The following HSDL2 variants were observed in gnomAD, a reference collection of about 807,000 sequenced individuals.
The protein encoded by HSDL2 is hydroxysteroid dehydrogenase like 2.
HSDL2 carries 27 observed loss-of-function variants against 46.3 expected under a neutral mutation model. That is an observed-to-expected ratio of 0.58 (90% confidence interval 0.43 to 0.80). HSDL2 has a LOEUF of 0.80. HSDL2 is among the 30% of genes least tolerant of loss of function. The pLI, the probability that HSDL2 is intolerant of heterozygous loss-of-function variation, is 0.00. For missense variants in HSDL2, 451 were observed against 502.7 expected (o/e 0.90, Z 0.98); for synonymous variants, 153 against 163.6 (o/e 0.94, Z 0.50).
chr9:112,386,561 C>T (rs1202471092), intron 1 of HSDL2, among the ~76,000 whole-genome samples: 6 of 151,264 alleles, frequency 4.0e-5, no homozygotes, highest in Non-Finnish European at 7.4e-5. Flanking sequence ...GTGGGAGAAT[C>T]GCTTGAGCCC....
chr9:112,411,680 GA>G (rs1390416630), intron 4 of HSDL2, among the ~76,000 whole-genome samples: 1 of 151,920 alleles, frequency 6.6e-6, no homozygotes, highest in Non-Finnish European at 1.5e-5. Context: ...GTCTCAAAAA[GA>G]AAAAAACTAT....
intron 1 of HSDL2, among the ~76,000 whole-genome samples, chr9:112,383,546 A>C (rs967869631): frequency 6.6e-6 from 1 of 152,060 alleles, no homozygotes; most frequent in African/African-American, 2.4e-5. Flanking sequence ...ATGGCTGCTC[A>C]TTTGTCCTAG....
At chr9:112,397,623 T>C (rs1430270522) in intron 1 of HSDL2, among the ~76,000 whole-genome samples, 2 of 152,162 alleles carry the variant, frequency 1.3e-5, no homozygotes, top group East Asian at 3.9e-4. Flanking sequence ...AGAGTAATTA[T>C]CGGAGCCTGT....
At chr9:112,398,422 A>G (rs1390617135) in intron 1 of HSDL2, among the ~76,000 whole-genome samples, 1 of 151,924 alleles carries the variant, frequency 6.6e-6, no homozygotes, top group Admixed American at 6.6e-5. Context: ...TGGGCTGTCC[A>G]AGTCGGGTCC....
chr9:112,447,562 AAC>A (rs1564128059), intron 8 of HSDL2, among the ~76,000 whole-genome samples: 1 of 152,154 alleles, frequency 6.6e-6, no homozygotes, highest in African/African-American at 2.4e-5. Context: ...GCTAAAACGA[AAC>A]ACATGACCTG....
At chr9:112,398,948 G>A (rs796157193) in intron 1 of HSDL2, among the ~76,000 whole-genome samples, 22 of 152,208 alleles carry the variant, frequency 1.4e-4, no homozygotes, top group African/African-American at 3.4e-4. Context: ...TAGTTACCCC[G>A]GACAATACAC....
Position 112,463,167 on chromosome 9 carries a change from T to C in HSDL2, c.1144+3590T>C, listed in dbSNP as rs116113355. Among the ~76,000 whole-genome samples the C allele has an allele frequency of 8.8e-3, 1,344 of 152,300 alleles. 13 individuals are homozygous for C. The highest frequency in any genetic ancestry group is 0.031 in the African/African-American group (1,281 of 41,576). On this transcript the variant is annotated intron_variant, in intron 10 of 10. Coordinates refer to ENST00000398805, the MANE Select transcript of HSDL2 (RefSeq NM_032303.5). ...GATATTGCTGCTATGAACATTCTCA[T>C]ACATGTTATCAGTATGGATATTTGT...
At chr9:112,402,226 T>A (rs1831617796) in intron 1 of HSDL2, among the ~76,000 whole-genome samples, 1 of 152,208 alleles carries the variant, frequency 6.6e-6, no homozygotes, top group South Asian at 2.1e-4. Flanking sequence ...GTTTTTCTTT[T>A]ATGAGTTTAC....
chr9:112,387,758 C>T (rs557721003), intron 1 of HSDL2, among the ~76,000 whole-genome samples: 31 of 152,174 alleles, frequency 2.0e-4, no homozygotes, highest in African/African-American at 6.5e-4. Context: ...TACGGATGGA[C>T]GTTGTATGCT....
chr9:112,405,014 C>G (rs915681923), intron 2 of HSDL2, among the ~76,000 whole-genome samples: 10 of 152,212 alleles, frequency 6.6e-5, no homozygotes, highest in African/African-American at 2.4e-4. Context: ...AGCATCTTTA[C>G]ATTTTTATAT....
chr9:112,442,316 T>G (rs1180978593), intron 8 of HSDL2, among the ~76,000 whole-genome samples: 20 of 151,462 alleles, frequency 1.3e-4, no homozygotes, highest in South Asian at 1.3e-3. Context: ...TAATATATTC[T>G]TTGCGTTTGG....
rs1833558330 is a variant in HSDL2 at position 112,470,851 on chromosome 9, T to C, written c.*307T>C. 1 of 175,916 alleles carries C rather than the reference T, an allele frequency of 5.7e-6. No homozygotes were observed. Among genetic ancestry groups the C allele is most frequent in the Non-Finnish European group, 1.2e-5 (1 of 83,756 alleles). 10.9% of individuals were successfully genotyped at this position (175,916 alleles called of 1,614,324 possible). A position where few individuals can be genotyped will look rare whatever the true frequency, so the allele number is the denominator to read the frequency against. ...AAAGTATTTTGGGCGGACAGTCAGA[T>C]CAAGCAGTAAAATTAGCTCTTTCAA... On this transcript the variant is annotated 3_prime_UTR_variant, in exon 11 of 11. Coordinates refer to ENST00000398805, the MANE Select transcript of HSDL2 (RefSeq NM_032303.5).
chr9:112,389,087 G>T (rs561524282), intron 1 of HSDL2, among the ~76,000 whole-genome samples: 1 of 152,020 alleles, frequency 6.6e-6, no homozygotes, highest in East Asian at 1.9e-4. Flanking sequence ...GAGTACAGTG[G>T]TGTAATCATG....
intron 1 of HSDL2, among the ~76,000 whole-genome samples, chr9:112,398,782 C>T (rs1420416124): frequency 6.6e-6 from 1 of 152,228 alleles, no homozygotes; most frequent in Non-Finnish European, 1.5e-5. Flanking sequence ...CATAGTCCCA[C>T]ATCTAACATT....
At chr9:112,401,436 G>A (rs1163215091) in intron 1 of HSDL2, among the ~76,000 whole-genome samples, 1 of 77,852 alleles carries the variant, frequency 1.3e-5, no homozygotes, top group Non-Finnish European at 2.2e-5. Flanking sequence ...AGCAAGAACC[G>A]CTCTCAAAAA....
At chr9:112,460,108 A>C (rs913111399) in intron 10 of HSDL2, among the ~76,000 whole-genome samples, 1 of 152,224 alleles carries the variant, frequency 6.6e-6, no homozygotes, top group Non-Finnish European at 1.5e-5. Flanking sequence ...CAGAAAATTA[A>C]GGATAATTTT....
At chr9:112,419,803 A>C (rs1832079553) in intron 6 of HSDL2, among the ~76,000 whole-genome samples, 1 of 152,134 alleles carries the variant, frequency 6.6e-6, no homozygotes, top group South Asian at 2.1e-4. Flanking sequence ...TGGTGTGCAA[A>C]TTTACAGTTA....
At chr9:112,402,648 C>T (rs1028815954) in intron 1 of HSDL2, among the ~76,000 whole-genome samples, 1 of 151,584 alleles carries the variant, frequency 6.6e-6, no homozygotes, top group South Asian at 2.1e-4. Flanking sequence ...GCTAGCCGGG[C>T]GCGGTGGCTC....
At chr9:112,419,277 T>TA (rs1468552473) in intron 6 of HSDL2, among the ~76,000 whole-genome samples, 1 of 152,206 alleles carries the variant, frequency 6.6e-6, no homozygotes, top group Non-Finnish European at 1.5e-5. Flanking sequence ...GTGCTGGGAT[T>TA]ACAAGCATGA....
Sources: allele counts gnomAD v4.1 joint callset (sites outside exome capture counted in the v4.1 genomes callset), GRCh38; gene constraint gnomAD v4.1.1; transcripts MANE v1.5; gene names NCBI Gene and HGNC (gene_info 2026-07-23, HGNC 2026-07-21).